Variants in ATP2C1 observed in about 807,000 individuals in gnomAD.
The protein encoded by ATP2C1 is calcium-transporting ATPase type 2C member 1.
A neutral mutation model predicts 120.5 loss-of-function variants in ATP2C1; 31 were observed. The observed-to-expected ratio is 0.26, with a 90% CI of 0.19 to 0.35. The LOEUF (loss-of-function observed/expected upper bound fraction) is 0.35. Among genes scored for constraint, ATP2C1 ranks in the 10% least tolerant of loss-of-function variants. The pLI is 1.00. For missense variants in ATP2C1, 731 were observed against 1,107.5 expected (o/e 0.66, Z 4.83); for synonymous variants, 351 against 358.7 (o/e 0.98, Z 0.24).
intron 17 of ATP2C1, among the ~76,000 whole-genome samples, chr3:130,973,030 A>C (rs940101927): frequency 2.0e-5 from 3 of 151,962 alleles, no homozygotes; most frequent in Non-Finnish European, 2.9e-5. Context: ...AATGTATCAA[A>C]GTAGAACAGA....
Position 131,002,325 on chromosome 3 carries a change from A to G in ATP2C1, c.*975A>G, listed in dbSNP as rs1314870127. ...TCATATTTCTTAGGAAGTATAGGCT[A>G]CTGGACTTAGAATAAAAAGTCCCCA... On this transcript the variant is annotated 3_prime_UTR_variant, in exon 28 of 28. Transcript: ENST00000510168. The G allele has an allele frequency of 1.0e-6, 1 of 984,542 alleles. No homozygotes were observed. 61.0% of individuals were successfully genotyped at this position (984,542 alleles called of 1,614,324 possible).
chr3:130,908,761 T>C (rs1041102451), intron 2 of ATP2C1, among the ~76,000 whole-genome samples: 3 of 152,268 alleles, frequency 2.0e-5, no homozygotes, highest in African/African-American at 7.2e-5. Context: ...TATCTGTTGG[T>C]CTCTAGAGCA....
intron 1 of ATP2C1, among the ~76,000 whole-genome samples, chr3:130,885,363 TTCTC>T (rs2068938829): frequency 6.6e-6 from 1 of 152,196 alleles, no homozygotes; most frequent in African/African-American, 2.4e-5. Context: ...AGTAGAGACT[TTCTC>T]TTACTATTTT....
At chr3:130,935,916 G>A (rs910115474) in intron 5 of ATP2C1, among the ~76,000 whole-genome samples, 3 of 152,168 alleles carry the variant, frequency 2.0e-5, no homozygotes, top group African/African-American at 7.2e-5. Flanking sequence ...TCAAGGAAGG[G>A]TGATGATTGT....
chr3:130,909,900 C>G (rs1219471936), intron 2 of ATP2C1, among the ~76,000 whole-genome samples: 3 of 151,862 alleles, frequency 2.0e-5, no homozygotes, highest in African/African-American at 4.8e-5. Flanking sequence ...GAGTTAGGGT[C>G]TCACTATGTT....
At chr3:130,858,673 G>A (rs189316224) in intron 1 of ATP2C1, among the ~76,000 whole-genome samples, 1 of 152,324 alleles carries the variant, frequency 6.6e-6, no homozygotes, top group East Asian at 1.9e-4. Context: ...GGGAGTAGGG[G>A]TGCAATGAAT....
Position 131,002,304 on chromosome 3 carries a change from A to T in ATP2C1, c.*954A>T. Reference sequence around the variant, plus strand: ...TACTGTTATGTATGTTTTTAATCATATTTCTTAGGAAGTATAGGCTACTGG... The same window carrying T: ...TACTGTTATGTATGTTTTTAATCATTTTTCTTAGGAAGTATAGGCTACTGG... On this transcript the variant is annotated 3_prime_UTR_variant, in exon 28 of 28. Coordinates refer to ENST00000510168, the MANE Select transcript of ATP2C1 (RefSeq NM_001378687.1). 4.1e-6 allele frequency: 4 copies of T among 982,870 alleles called. No homozygotes were observed. Among genetic ancestry groups the T allele is most frequent in the Non-Finnish European group, 4.8e-6 (4 of 827,610 alleles). The allele number at this position is 982,870 out of a possible 1,614,324, so 60.9% of individuals were successfully genotyped here.
chr3:130,932,324 A>G (rs1559939342), intron 4 of ATP2C1, among the ~76,000 whole-genome samples, 186 bp downstream of exon 4: 3 of 152,038 alleles, frequency 2.0e-5, no homozygotes, highest in Non-Finnish European at 4.4e-5. Flanking sequence ...TTAGTATGTA[A>G]ATCTTAAAGA....
chr3:130,866,178 A>C (rs894059476), intron 1 of ATP2C1, among the ~76,000 whole-genome samples: 22 of 151,206 alleles, frequency 1.5e-4, no homozygotes, highest in African/African-American at 5.4e-4. Context: ...AAAATAAATA[A>C]AGCAAATTAT....
intron 22 of ATP2C1, among the ~76,000 whole-genome samples, chr3:130,995,164 A>G (rs1008240980): frequency 1.3e-5 from 2 of 152,168 alleles, no homozygotes; most frequent in Admixed American, 1.3e-4. Flanking sequence ...CTGTAATGCC[A>G]GCACTTTGGG....
intron 1 of ATP2C1, among the ~76,000 whole-genome samples, chr3:130,876,300 T>A (rs1213940996): frequency 6.6e-6 from 1 of 152,124 alleles, no homozygotes; most frequent in Non-Finnish European, 1.5e-5. Context: ...TTCATTTTTA[T>A]ATATGCTGAG....
At chr3:130,918,456 C>T (rs1289022137) in intron 2 of ATP2C1, 2 of 850,984 alleles carry the variant, frequency 2.4e-6, no homozygotes, top group Non-Finnish European at 4.1e-6. Flanking sequence ...CTTCTCAGCA[C>T]CTCTGTATTT....
chr3:130,952,238 T>A (rs1559966189), intron 8 of ATP2C1, among the ~76,000 whole-genome samples: 1 of 152,186 alleles, frequency 6.6e-6, no homozygotes, highest in Non-Finnish European at 1.5e-5. Context: ...TATCCAAGGG[T>A]AGAAACTTTG....
chr3:130,944,815 C>T (rs1025920649), intron 8 of ATP2C1, among the ~76,000 whole-genome samples: 2 of 152,094 alleles, frequency 1.3e-5, no homozygotes, highest in Non-Finnish European at 2.9e-5. Context: ...GAGGATCGGT[C>T]CTAGTAGATC....
chr3:130,941,008 G>A (rs1177196967), intron 7 of ATP2C1, among the ~76,000 whole-genome samples: 2 of 113,326 alleles, frequency 1.8e-5, no homozygotes, highest in South Asian at 3.2e-4. Context: ...TCCATCTGCC[G>A]GGTTCACGCC....
intron 12 of ATP2C1, 169 bp from the exon 13 acceptor site, chr3:130,963,802 A>G: frequency 4.1e-6 from 3 of 735,230 alleles, no homozygotes. Flanking sequence ...CCTGGCAGCT[A>G]CTAGGTATCC....
At chr3:130,947,614 A>G (rs1281825650) in intron 8 of ATP2C1, among the ~76,000 whole-genome samples, 1 of 152,164 alleles carries the variant, frequency 6.6e-6, no homozygotes, top group Non-Finnish European at 1.5e-5. Flanking sequence ...TTTACTGCCA[A>G]ATAATTTTCC....
intron 2 of ATP2C1, among the ~76,000 whole-genome samples, chr3:130,913,176 G>A (rs981329106): frequency 6.7e-6 from 1 of 150,136 alleles, no homozygotes; most frequent in African/African-American, 2.5e-5. Flanking sequence ...CAGCACACCA[G>A]CATGGCACAT....
chr3:130,979,954 A>C (rs1276528309), intron 19 of ATP2C1, among the ~76,000 whole-genome samples: 1 of 152,190 alleles, frequency 6.6e-6, no homozygotes, highest in African/African-American at 2.4e-5. Flanking sequence ...TAAATTTAAC[A>C]GTTGGCTAAA....
Sources: gnomAD v4.1 joint callset for allele counts (sites outside exome capture counted in the v4.1 genomes callset) on GRCh38, gnomAD v4.1.1 for gene constraint, MANE v1.5 for transcripts, NCBI Gene and HGNC (gene_info 2026-07-23, HGNC 2026-07-21) for gene names.